The following PRDM16 variants were observed in gnomAD, a reference collection of about 807,000 sequenced individuals.
PRDM16 encodes histone-lysine N-methyltransferase PRDM16.
Under a neutral mutation model 110.6 loss-of-function variants are expected in PRDM16, and 23 were observed. The ratio of observed to expected loss-of-function variants is 0.21; its 90% CI spans 0.15 to 0.29. The LOEUF is 0.29. PRDM16 is among the 10% of genes least tolerant of loss of function. The probability of loss-of-function intolerance (pLI) is 1.00; values close to 1 mark genes in which losing one functional copy is unlikely to be tolerated. For missense variants in PRDM16, 1,615 were observed against 1,794.3 expected, an observed-to-expected ratio of 0.90 and a Z score of 1.81; for synonymous variants, 799 against 781.8, an observed-to-expected ratio of 1.02 and a Z score of -0.37.
chr1:3,250,116 TC>T (rs1415141800), intron 3 of PRDM16, among the ~76,000 whole-genome samples: 92 of 146,544 alleles, frequency 6.3e-4, no homozygotes, highest in African/African-American at 2.0e-3. Flanking sequence ...CCGTCTTCTC[TC>T]CCCCCTCCCC....
rs542429452 is a variant in PRDM16 at position 3,069,556 on chromosome 1, A to C, written c.37+260A>C. Among the ~76,000 whole-genome samples the C allele has an allele frequency of 2.1e-5, 3 of 144,288 alleles. No homozygotes were observed. The highest frequency in any genetic ancestry group is 6.8e-5 in the Admixed American group (1 of 14,766). 94.7% of individuals were successfully genotyped at this position (144,288 alleles called of 152,430 possible). A position where few individuals can be genotyped will look rare whatever the true frequency, so the allele number is the denominator to read the frequency against. On this transcript the variant is annotated intron_variant, in intron 1 of 16. Coordinates refer to ENST00000270722, the MANE Select transcript of PRDM16 (RefSeq NM_022114.4). The surrounding 1 kb of genome is among the most constrained non-coding windows in gnomAD (Gnocchi z 6.1). Reference sequence around the variant, plus strand: ...CCGCGGAACCCCCTCCCCCCCCACCAGTGTCAGGCGCTCGGGCCCGGGAAC... The same window carrying C: ...CCGCGGAACCCCCTCCCCCCCCACCCGTGTCAGGCGCTCGGGCCCGGGAAC...
intron 1 of PRDM16, among the ~76,000 whole-genome samples, chr1:3,173,333 A>T (rs569087812): frequency 6.6e-6 from 1 of 152,378 alleles, no homozygotes; most frequent in South Asian, 2.1e-4. Context: ...ATCGCGAGTC[A>T]TTCAGCGCCT....
intron 3 of PRDM16, among the ~76,000 whole-genome samples, chr1:3,374,858 A>G (rs962750809): frequency 1.3e-5 from 2 of 152,210 alleles, no homozygotes; most frequent in African/African-American, 4.8e-5. Context: ...TCTAAAGAGC[A>G]GGTGAGCAGG....
chr1:3,338,458 G>A (rs1642206042), intron 3 of PRDM16, among the ~76,000 whole-genome samples: 1 of 152,276 alleles, frequency 6.6e-6, no homozygotes, highest in Non-Finnish European at 1.5e-5. Context: ...CTAGGGCCAA[G>A]GTGCCCTCCT....
intron 1 of PRDM16, among the ~76,000 whole-genome samples, chr1:3,106,499 C>T (rs1274799752): frequency 6.6e-6 from 1 of 152,162 alleles, no homozygotes; most frequent in Non-Finnish European, 1.5e-5. Context: ...ACAGCGGGTA[C>T]CTGAGCAGAG....
intron 11 of PRDM16, among the ~76,000 whole-genome samples, 155 bp from the exon 12 acceptor site, chr1:3,418,512 A>G (rs1285750187): frequency 6.6e-6 from 1 of 152,182 alleles, no homozygotes; most frequent in African/African-American, 2.4e-5. Context: ...GCTGGGCTTC[A>G]GGGCCGTGGA....
rs772344270 is a variant in PRDM16, at chr1:3,426,121, C to G, written c.3180C>G (p.Asp1060Glu). The change falls in exon 14 of 17, where the codon GAC (aspartate) becomes GAG (glutamate). Residue 1060 changes from aspartate (D) to glutamate (E), a missense_variant. By Grantham distance (45) the Asp-to-Glu change is conservative. Around this residue, in one of 5 missense-constraint regions of PRDM16, gnomAD observed 327 missense variants for 359.3 expected, o/e 0.91. Transcript: ENST00000270722. ...TSASSPTSES[D>E]NHALLDEKED... The stretch of plus-strand genomic sequence containing the variant: ...CGTCCTCTCCCACCTCAGAGTCGGA[C>G]AACCACGCACTTTTAGACGAGAAAG... 24 of 1,613,900 alleles carry G rather than the reference C, an allele frequency of 1.5e-5. No homozygotes were observed. The Admixed American group carries it at 4.0e-4, about 27-fold the overall frequency.
intron 1 of PRDM16, among the ~76,000 whole-genome samples, chr1:3,116,089 G>T (rs1224548166): frequency 2.6e-5 from 4 of 152,202 alleles, no homozygotes; most frequent in African/African-American, 9.6e-5. Flanking sequence ...CACGGCAGGC[G>T]TCAGGTTGAG....
At chr1:3,418,031 T>A (rs781154445) in intron 11 of PRDM16, 34 bp downstream of exon 11, 1 of 1,580,048 alleles carries the variant, frequency 6.3e-7, no homozygotes, top group East Asian at 2.3e-5. Flanking sequence ...GGGACAGCCC[T>A]GGCGGGGCTC....
At chr1:3,297,760 A>T (rs1317544109) in intron 3 of PRDM16, among the ~76,000 whole-genome samples, 1 of 152,082 alleles carries the variant, frequency 6.6e-6, no homozygotes, top group Non-Finnish European at 1.5e-5. Context: ...GGGGACAGGG[A>T]GGGAGTCAGG....
intron 3 of PRDM16, among the ~76,000 whole-genome samples, chr1:3,253,244 A>G (rs1639977599): frequency 6.6e-6 from 1 of 151,844 alleles, no homozygotes; most frequent in Non-Finnish European, 1.5e-5. Context: ...TTTAGGGTAC[A>G]TGTGCACAAT....
chr1:3,198,664 G>A (rs1171383678), intron 2 of PRDM16, among the ~76,000 whole-genome samples: 2 of 152,308 alleles, frequency 1.3e-5, no homozygotes, highest in South Asian at 2.1e-4. Context: ...AGGAGCTCTC[G>A]TGCATCCACT....
At chr1:3,114,458 C>T (rs560484755) in intron 1 of PRDM16, among the ~76,000 whole-genome samples, 5 of 147,770 alleles carry the variant, frequency 3.4e-5, no homozygotes, top group Non-Finnish European at 5.9e-5. Flanking sequence ...CGCACACACA[C>T]GCACACACGC....
At chr1:3,198,708 C>A (rs966590185) in intron 2 of PRDM16, among the ~76,000 whole-genome samples, 1 of 152,250 alleles carries the variant, frequency 6.6e-6, no homozygotes, top group Non-Finnish European at 1.5e-5. Context: ...CCTCTTGCAC[C>A]AGGCTGGGGC....
rs1638574433 is a variant in PRDM16, at chr1:3,425,442, C to A, written c.2940-139C>A. On this transcript the variant is annotated intron_variant, in intron 12 of 16. Transcript: ENST00000270722. This position sits in a 1 kb window ranked among gnomAD's most constrained non-coding sequence, Gnocchi z 6.9. ...TTGGCTCTGCAGCTGGGAGATCCAG[C>A]AACCTCCGGGACACGGCGGGGCAAA... 1 of 889,876 alleles carries A rather than the reference C, an allele frequency of 1.1e-6. No homozygotes were observed. The highest frequency in any genetic ancestry group is 1.7e-6 in the Non-Finnish European group (1 of 597,266). The allele number at this position is 889,876 out of a possible 1,614,324, so 55.1% of individuals were successfully genotyped here. A position where few individuals can be genotyped will look rare whatever the true frequency, so the allele number is the denominator to read the frequency against.
rs1418611804 is a variant in PRDM16 at position 3,411,505 on chromosome 1, C to T, written c.1308C>T (p.Ser436=). 1.9e-6 allele frequency: 3 copies of T among 1,614,226 alleles called. No individual in the cohort carries two copies. Among genetic ancestry groups the T allele is most frequent in the East Asian group, 2.2e-5 (1 of 44,880 alleles). ...GTGGCCAGATGTTCAGCACTACCTCCTCCCTCAACAAGCACCGGCGCTTCT... is the reference window on the plus strand; with the variant it reads ...GTGGCCAGATGTTCAGCACTACCTCTTCCCTCAACAAGCACCGGCGCTTCT... The part of the protein sequence containing the change: ...KDCGQMFSTT[S]SLNKHRRFCE... The change falls in exon 9 of 17, where the codon TCC becomes TCT. Residue 436 remains serine, a synonymous_variant. Transcript: ENST00000270722.
intron 1 of PRDM16, among the ~76,000 whole-genome samples, chr1:3,150,389 CAAA>C (rs34595741): frequency 1.1e-4 from 12 of 104,488 alleles, no homozygotes; most frequent in African/African-American, 9.9e-5. Flanking sequence ...AACCCCATCT[CAAA>C]AAAAAAAAAA....
intron 3 of PRDM16, among the ~76,000 whole-genome samples, chr1:3,266,878 G>A (rs868020700): frequency 1.3e-5 from 2 of 152,022 alleles, no homozygotes; most frequent in Non-Finnish European, 2.9e-5. Context: ...GGATTTTGCC[G>A]TGTTGTCCAG....
rs1326910739 is a variant in PRDM16, at chr1:3,080,409, C to T, written c.37+11113C>T. On this transcript the variant is annotated intron_variant, in intron 1 of 16. Coordinates refer to ENST00000270722, the MANE Select transcript of PRDM16 (RefSeq NM_022114.4). This position sits in a 1 kb window ranked among gnomAD's most constrained non-coding sequence, Gnocchi z 5.2. ...GCGCTTTCCGATCGGTTTCTCTACC[C>T]CGGCCCATCCAGCCATCCTTTTCTT... Among the ~76,000 whole-genome samples the T allele has an allele frequency of 6.6e-6, 1 of 152,196 alleles. No individual in the cohort carries two copies. Among genetic ancestry groups the T allele is most frequent in the African/African-American group, 2.4e-5 (1 of 41,450 alleles).
Sources: gnomAD v4.1 joint callset for allele counts (sites outside exome capture counted in the v4.1 genomes callset) on GRCh38, gnomAD v4.1.1 for gene constraint, gnomAD v4.1.1 regional missense constraint, Gnocchi (gnomAD v3.1) non-coding constraint, MANE v1.5 for transcripts, NCBI Gene and HGNC (gene_info 2026-07-23, HGNC 2026-07-21) for gene names.